THRB: variants seen among roughly 807,000 people sequenced by gnomAD.
THRB encodes thyroid hormone receptor beta, also known as nuclear receptor subfamily 1 group A member 2.
Under a neutral mutation model 47.8 loss-of-function variants are expected in THRB, and 12 were observed. That is an observed-to-expected ratio of 0.25 (90% CI 0.16 to 0.41). THRB has a LOEUF of 0.41. Among genes scored for constraint, THRB ranks in the 10% least tolerant of loss-of-function variants. The pLI is 1.00. For synonymous variants in THRB, 218 were observed against 212.2 expected, an observed-to-expected ratio of 1.03 and a Z score of -0.24; for missense variants, 348 against 589.2, an observed-to-expected ratio of 0.59 and a Z score of 4.24.
At chr3:24,172,676 AT>A (rs2040587137) in intron 5 of THRB, among the ~76,000 whole-genome samples, 1 of 152,136 alleles carries the variant, frequency 6.6e-6, no homozygotes, top group Non-Finnish European at 1.5e-5. Context: ...GTGGAAAAAA[AT>A]TGGCTCTGAT....
At chr3:24,279,576 T>TTA (rs66601363) in intron 3 of THRB, among the ~76,000 whole-genome samples, 2 of 149,896 alleles carry the variant, frequency 1.3e-5, no homozygotes, top group East Asian at 1.9e-4. Context: ...TTTTTTTTTT[T>TTA]AGTAGAGACG....
intron 4 of THRB, among the ~76,000 whole-genome samples, chr3:24,201,105 G>T (rs539062766): frequency 6.6e-6 from 1 of 152,046 alleles, no homozygotes; most frequent in South Asian, 2.1e-4. Context: ...CAAATTGCTT[G>T]GTGTAATCTA....
At chr3:24,260,358 C>T (rs1177241054) in intron 3 of THRB, among the ~76,000 whole-genome samples, 1 of 152,106 alleles carries the variant, frequency 6.6e-6, no homozygotes, top group Non-Finnish European at 1.5e-5. Flanking sequence ...AGACATGACT[C>T]TCACCAGGAG....
intron 4 of THRB, among the ~76,000 whole-genome samples, chr3:24,213,882 TG>T (rs1424574468): frequency 6.6e-6 from 1 of 152,216 alleles, no homozygotes; most frequent in African/African-American, 2.4e-5. Flanking sequence ...CAGCTGCATT[TG>T]TTCCCATCAC....
At chr3:24,233,541 A>G (rs2048465395) in intron 3 of THRB, among the ~76,000 whole-genome samples, 1 of 112,680 alleles carries the variant, frequency 8.9e-6, no homozygotes. Flanking sequence ...AAAAGAAAGA[A>G]AGAGAAAGAA....
At chr3:24,357,028 A>T (rs1560009968) in intron 1 of THRB, among the ~76,000 whole-genome samples, 1 of 151,724 alleles carries the variant, frequency 6.6e-6, no homozygotes, top group Non-Finnish European at 1.5e-5. Context: ...GCACCTAGCC[A>T]TGATTCTCGG....
At chr3:24,174,139 G>A (rs983474499) in intron 5 of THRB, among the ~76,000 whole-genome samples, 2 of 152,098 alleles carry the variant, frequency 1.3e-5, no homozygotes, top group Non-Finnish European at 2.9e-5. Flanking sequence ...TCATCTACGT[G>A]TTAAGCCGGG....
chr3:24,165,107 T>C, intron 5 of THRB: 2 of 765,116 alleles, frequency 2.6e-6, no homozygotes, highest in Non-Finnish European at 4.8e-6. Context: ...TTGGCTGTAT[T>C]GATTCAGGGC....
At chr3:24,402,414 G>A (rs1413449733) in intron 1 of THRB, among the ~76,000 whole-genome samples, 1 of 151,644 alleles carries the variant, frequency 6.6e-6, no homozygotes, top group African/African-American at 2.4e-5. Context: ...TGTCAAATTT[G>A]GGAACTGCTG....
intron 4 of THRB, among the ~76,000 whole-genome samples, chr3:24,216,595 G>A (rs1212425013): frequency 2.0e-5 from 3 of 150,856 alleles, no homozygotes; most frequent in South Asian, 2.1e-4. Flanking sequence ...GTGACAGAGC[G>A]AGACTCCGCC....
At chr3:24,425,301 C>T (rs932566380) in intron 1 of THRB, among the ~76,000 whole-genome samples, 6 of 151,798 alleles carry the variant, frequency 4.0e-5, no homozygotes, top group Admixed American at 1.3e-4. Context: ...TAATCTTTGT[C>T]AATTTAATAC....
In THRB at chr3:24,283,447, G is replaced by A. The variant is rs1459290794; in HGVS notation, c.-43+13779C>T. The stretch of plus-strand genomic sequence containing the variant: ...TGGGACGTATCTCAAAATAATAAGA[G>A]CTATTTATGACAAACCCACAGCCAA... On this transcript the variant is annotated intron_variant, in intron 3 of 10. Transcript: ENST00000646209. 4.6e-3 allele frequency among the ~76,000 whole-genome samples: 705 copies of A among 151,822 alleles called. 6 individuals are homozygous for A. The highest frequency in any genetic ancestry group is 0.016 in the African/African-American group (662 of 41,246).
chr3:24,248,508 C>T (rs931813), intron 3 of THRB, among the ~76,000 whole-genome samples: 1 of 151,908 alleles, frequency 6.6e-6, no homozygotes, highest in Non-Finnish European at 1.5e-5. Flanking sequence ...CCTGTTGCCC[C>T]TCAGCTCCAG....
chr3:24,348,436 A>G (rs1401661736), intron 1 of THRB: 3 of 151,790 alleles, frequency 2.0e-5, no homozygotes, highest in Non-Finnish European at 4.4e-5. Flanking sequence ...AGTGACATTC[A>G]AACACACCAA....
intron 1 of THRB, among the ~76,000 whole-genome samples, chr3:24,442,597 G>C (rs914488269): frequency 1.3e-5 from 2 of 152,164 alleles, no homozygotes; most frequent in Admixed American, 6.5e-5. Flanking sequence ...GGCCAAGGCG[G>C]GCAGATCACC....
intron 1 of THRB, among the ~76,000 whole-genome samples, chr3:24,397,570 T>A (rs1174952712): frequency 6.6e-6 from 1 of 151,344 alleles, no homozygotes; most frequent in Non-Finnish European, 1.5e-5. Context: ...GGCCCCTGCA[T>A]GAATGCACAT....
intron 3 of THRB, among the ~76,000 whole-genome samples, chr3:24,258,413 T>C (rs1319812882): frequency 6.6e-6 from 1 of 152,042 alleles, no homozygotes; most frequent in Non-Finnish European, 1.5e-5. Context: ...TCAGCTTATG[T>C]TTTCTCCCAA....
At chr3:24,285,564 C>G (rs777748872) in intron 3 of THRB, among the ~76,000 whole-genome samples, 1 of 151,244 alleles carries the variant, frequency 6.6e-6, no homozygotes, top group Non-Finnish European at 1.5e-5. Context: ...CACATGTACC[C>G]TAAAACTTAA....
intron 1 of THRB, among the ~76,000 whole-genome samples, chr3:24,453,756 C>T (rs1402382737): frequency 6.6e-6 from 1 of 152,168 alleles, no homozygotes; most frequent in African/African-American, 2.4e-5. Flanking sequence ...TCTTCCCAGA[C>T]TTTGTCTCCT....
Sources: gnomAD v4.1 joint callset for allele counts (sites outside exome capture counted in the v4.1 genomes callset) on GRCh38, gnomAD v4.1.1 for gene constraint, MANE v1.5 for transcripts, NCBI Gene and HGNC (gene_info 2026-07-23, HGNC 2026-07-21) for gene names.